Variants in SLX4IP observed in about 807,000 individuals in gnomAD.
The protein encoded by SLX4IP is protein SLX4IP.
A neutral mutation model predicts 32.9 loss-of-function variants in SLX4IP; 34 were observed. The ratio of observed to expected loss-of-function variants is 1.03; its 90% CI spans 0.79 to 1.38. SLX4IP has a LOEUF of 1.38. Ranked by LOEUF, SLX4IP falls within the 40% of genes most tolerant of loss-of-function variation. The probability of loss-of-function intolerance (pLI) is 0.00; values close to 1 mark genes in which losing one functional copy is unlikely to be tolerated. For synonymous variants in SLX4IP, 172 were observed against 171.7 expected (o/e 1.00, Z -0.01); for missense variants, 444 against 479.0 (o/e 0.93, Z 0.68).
At chr20:10,460,329 C>T (rs990080268) in intron 2 of SLX4IP, among the ~76,000 whole-genome samples, 4 of 152,202 alleles carry the variant, frequency 2.6e-5, no homozygotes, top group Admixed American at 1.3e-4. Context: ...GCTTGAAACA[C>T]GAACCATTTT....
chr20:10,514,778 G>A (rs1436582795), intron 2 of SLX4IP, among the ~76,000 whole-genome samples: 1 of 152,186 alleles, frequency 6.6e-6, no homozygotes, highest in East Asian at 1.9e-4. Flanking sequence ...AACAGAAATA[G>A]GGTGAGTATT....
At chr20:10,507,584 G>C (rs1453249737) in intron 2 of SLX4IP, among the ~76,000 whole-genome samples, 1 of 152,044 alleles carries the variant, frequency 6.6e-6, no homozygotes, top group East Asian at 1.9e-4. Context: ...GTTGGGATTT[G>C]ATCTGCTGGT....
chr20:10,509,663 G>A (rs912038464), intron 2 of SLX4IP, among the ~76,000 whole-genome samples: 2 of 152,048 alleles, frequency 1.3e-5, no homozygotes, highest in Admixed American at 6.6e-5. Flanking sequence ...GAAAAAATGG[G>A]GACAGTTGGT....
At chr20:10,615,439 C>T (rs932877466) in intron 6 of SLX4IP, among the ~76,000 whole-genome samples, 10 of 152,138 alleles carry the variant, frequency 6.6e-5, no homozygotes, top group Admixed American at 5.2e-4. Context: ...GTCTCTTTTC[C>T]TGAATCCTCC....
At chr20:10,520,731 G>A (rs1484296036) in intron 2 of SLX4IP, among the ~76,000 whole-genome samples, 1 of 152,034 alleles carries the variant, frequency 6.6e-6, no homozygotes, top group East Asian at 1.9e-4. Context: ...TTTTGCATGT[G>A]GTTATTCAGT....
At chr20:10,526,234 G>A (rs1361397110) in intron 2 of SLX4IP, among the ~76,000 whole-genome samples, 2 of 152,158 alleles carry the variant, frequency 1.3e-5, no homozygotes, top group Non-Finnish European at 2.9e-5. Context: ...GTCTATTGAG[G>A]TGATAAAATT....
chr20:10,589,963 T>A (rs2066687748), intron 4 of SLX4IP, among the ~76,000 whole-genome samples: 1 of 152,170 alleles, frequency 6.6e-6, no homozygotes, highest in Non-Finnish European at 1.5e-5. Flanking sequence ...GAATTTTTTT[T>A]AACTATTCTT....
intron 6 of SLX4IP, among the ~76,000 whole-genome samples, chr20:10,603,726 G>A (rs2066869949): frequency 6.6e-6 from 1 of 152,034 alleles, no homozygotes; most frequent in Admixed American, 6.6e-5. Flanking sequence ...CAAGCTCTGT[G>A]CGTCCCTCTG....
intron 2 of SLX4IP, among the ~76,000 whole-genome samples, chr20:10,513,481 A>G (rs1451085009): frequency 2.0e-5 from 3 of 152,226 alleles, no homozygotes; most frequent in South Asian, 4.1e-4. Context: ...CATCCTATCC[A>G]TCTTAGGTAC....
At chr20:10,489,753 T>G (rs1333092347) in intron 2 of SLX4IP, among the ~76,000 whole-genome samples, 2 of 152,232 alleles carry the variant, frequency 1.3e-5, no homozygotes, top group African/African-American at 4.8e-5. Flanking sequence ...CTATTTCCTT[T>G]GTACTCCTCA....
chr20:10,621,528 G>A (rs1011521366), intron 7 of SLX4IP, 114 bp downstream of exon 7: 24 of 841,978 alleles, frequency 2.9e-5, no homozygotes, highest in Middle Eastern at 2.5e-4. Context: ...ACTCCCCTCC[G>A]TCACGTACTT....
chr20:10,518,469 T>TCCCTCC lies in SLX4IP; in HGVS notation c.28-37762_28-37761insCCCTCC, dbSNP rs1568720198. Among the ~76,000 whole-genome samples, 228 of 47,194 alleles carry TCCCTCC rather than the reference T, an allele frequency of 4.8e-3. 17 individuals are homozygous for TCCCTCC. The highest frequency in any genetic ancestry group is 4.3e-3 in the Non-Finnish European group (80 of 18,780). The allele number at this position is 47,194 out of a possible 152,430, so 31.0% of individuals were successfully genotyped here. ...TTCCTTCCTTCCTTCCTTCCTTTCC[T>TCCCTCC]TTCTTTTCCTTTCCTTTCCTTTTCC... On this transcript the variant is annotated intron_variant, in intron 2 of 7. Coordinates refer to ENST00000334534, the MANE Select transcript of SLX4IP (RefSeq NM_001009608.3).
chr20:10,486,589 C>T (rs369444621), intron 2 of SLX4IP, among the ~76,000 whole-genome samples: 13 of 152,006 alleles, frequency 8.6e-5, no homozygotes, highest in African/African-American at 2.9e-4. Context: ...GTATTTAAAT[C>T]ATAGGTTGGG....
intron 6 of SLX4IP, among the ~76,000 whole-genome samples, chr20:10,614,404 A>G (rs923524817): frequency 6.6e-6 from 1 of 152,190 alleles, no homozygotes; most frequent in African/African-American, 2.4e-5. Context: ...AGCTTCTGCC[A>G]TATGCTTCCA....
In SLX4IP at chr20:10,590,457, T is replaced by C. The variant is rs190138783; in HGVS notation, c.239-8218T>C. 2.6e-3 allele frequency among the ~76,000 whole-genome samples: 393 copies of C among 152,086 alleles called. 1 individual carries two copies. Among genetic ancestry groups the C allele is most frequent in the African/African-American group, 8.9e-3 (371 of 41,486 alleles). ...CTCACTGCAACCTCTGCCTCCCGGG[T>C]TCTAGCAATTCTCCTGCCTCAGCCT... On this transcript the variant is annotated intron_variant, in intron 4 of 7. Coordinates refer to ENST00000334534, the MANE Select transcript of SLX4IP (RefSeq NM_001009608.3).
At chr20:10,552,302 G>A (rs1222879112) in intron 2 of SLX4IP, among the ~76,000 whole-genome samples, 1 of 152,192 alleles carries the variant, frequency 6.6e-6, no homozygotes, top group African/African-American at 2.4e-5. Context: ...AAGAAAGCTG[G>A]AGAGTTGATC....
intron 2 of SLX4IP, among the ~76,000 whole-genome samples, chr20:10,488,913 A>C (rs981925795): frequency 1.3e-5 from 2 of 152,194 alleles, no homozygotes; most frequent in Non-Finnish European, 2.9e-5. Flanking sequence ...CATGATTATA[A>C]TATATAACCA....
chr20:10,490,589 A>AT (rs1359027540), intron 2 of SLX4IP, among the ~76,000 whole-genome samples: 1 of 152,000 alleles, frequency 6.6e-6, no homozygotes, highest in Non-Finnish European at 1.5e-5. Context: ...TGGGTAACCT[A>AT]TTGTTTTGGC....
chr20:10,559,190 A>G (rs1051404272), intron 3 of SLX4IP, among the ~76,000 whole-genome samples: 1 of 152,048 alleles, frequency 6.6e-6, no homozygotes, highest in Non-Finnish European at 1.5e-5. Flanking sequence ...ATGCCGAAAC[A>G]CTCAACTGTA....
Sources: allele counts gnomAD v4.1 joint callset (sites outside exome capture counted in the v4.1 genomes callset), GRCh38; gene constraint gnomAD v4.1.1; transcripts MANE v1.5; gene names NCBI Gene and HGNC (gene_info 2026-07-23, HGNC 2026-07-21).